TAFA5: variants seen among roughly 807,000 people sequenced by gnomAD.
TAFA5 encodes the protein TAFA chemokine like family member 5.
In TAFA5, 6 loss-of-function variants were observed where a neutral mutation model predicts 15.3. The observed-to-expected ratio is 0.39, with a 90% CI of 0.21 to 0.77. The LOEUF is 0.77. Among genes scored for constraint, TAFA5 ranks in the 30% least tolerant of loss-of-function variants. The probability of loss-of-function intolerance (pLI) is 0.41; values close to 1 mark genes in which losing one functional copy is unlikely to be tolerated. For missense variants in TAFA5, 161 were observed against 193.1 expected (o/e 0.83, Z 0.98); for synonymous variants, 103 against 80.7 (o/e 1.28, Z -1.48).
intron 2 of TAFA5, among the ~76,000 whole-genome samples, chr22:48,656,217 G>A (rs1160239342): frequency 6.6e-6 from 1 of 152,042 alleles, no homozygotes; most frequent in Non-Finnish European, 1.5e-5. Context: ...ACTGGAACTG[G>A]CTTGCACCAG....
chr22:48,668,623 C>T (rs1300647740), intron 2 of TAFA5, among the ~76,000 whole-genome samples: 3 of 88,206 alleles, frequency 3.4e-5, no homozygotes, highest in Admixed American at 2.2e-4. Context: ...AGGGCCGCAT[C>T]TTCACTGGGA....
chr22:48,504,954 A>G (rs967128540), intron 1 of TAFA5, among the ~76,000 whole-genome samples: 17 of 152,266 alleles, frequency 1.1e-4, no homozygotes, highest in Admixed American at 9.8e-4. Flanking sequence ...AGGTATGGCT[A>G]TCCCTGCTCA....
intron 1 of TAFA5, among the ~76,000 whole-genome samples, chr22:48,503,867 G>T (rs191783040): frequency 6.9e-4 from 105 of 152,264 alleles, no homozygotes; most frequent in African/African-American, 2.5e-3. Flanking sequence ...GTTACACTCT[G>T]GGAAGGAGCC....
intron 2 of TAFA5, among the ~76,000 whole-genome samples, chr22:48,681,683 A>AAAG (rs1328098055): frequency 1.3e-5 from 2 of 151,964 alleles, no homozygotes; most frequent in African/African-American, 4.8e-5. Flanking sequence ...AAAAAAGAAA[A>AAAG]AAACAGAGGC....
intron 3 of TAFA5, 83 bp downstream of exon 3, chr22:48,707,927 G>T (rs1601688265): frequency 6.6e-7 from 1 of 1,525,942 alleles, no homozygotes; most frequent in East Asian, 2.3e-5. Flanking sequence ...GGGCTCCGCG[G>T]GGACAGGTGG....
intron 1 of TAFA5, chr22:48,544,405 C>A (rs1922581394): frequency 5.5e-5 from 19 of 345,514 alleles, no homozygotes; most frequent in South Asian, 4.1e-4. Flanking sequence ...CACTCCACGG[C>A]CAGTCTTGGG....
chr22:48,590,842 G>A (rs967185413), intron 1 of TAFA5, among the ~76,000 whole-genome samples: 1 of 151,164 alleles, frequency 6.6e-6, no homozygotes, highest in African/African-American at 2.4e-5. Flanking sequence ...TTTTGTTCAT[G>A]ATTTGTTCTT....
rs904831679 is a variant in TAFA5, at chr22:48,742,841, G to A, written c.391-6998G>A. Among the ~76,000 whole-genome samples the A allele has an allele frequency of 2.6e-5, 4 of 152,170 alleles. No individual in the cohort carries two copies. Among genetic ancestry groups the A allele is most frequent in the Admixed American group, 6.5e-5 (1 of 15,288 alleles). ...AGTCCCCAGCTGGGAGCTCAGGTGC[G>A]ATGAAGCCCAAGGGACTGACGGTGT... On this transcript the variant is annotated intron_variant, in intron 3 of 3. Coordinates refer to ENST00000402357, the MANE Select transcript of TAFA5 (RefSeq NM_001082967.3). The surrounding 1 kb of genome is among the most constrained non-coding windows in gnomAD (Gnocchi z 6.2).
rs1435246615 is a variant in TAFA5, at chr22:48,552,933, C to G, written c.112+63229C>G. On this transcript the variant is annotated intron_variant, in intron 1 of 3. Coordinates refer to ENST00000402357, the MANE Select transcript of TAFA5 (RefSeq NM_001082967.3). This position sits in a 1 kb window ranked among gnomAD's most constrained non-coding sequence, Gnocchi z 4.1. ...CATTCCCTGCAGAATACCCCAGAGA[C>G]TCAGACCTGGGGCTGATCTGAGGGG... Among the ~76,000 whole-genome samples the G allele has an allele frequency of 6.6e-6, 1 of 152,118 alleles. No homozygotes were observed. Among genetic ancestry groups the G allele is most frequent in the Non-Finnish European group, 1.5e-5 (1 of 68,022 alleles).
intron 1 of TAFA5, among the ~76,000 whole-genome samples, chr22:48,621,537 C>T (rs1925838260): frequency 6.6e-6 from 1 of 152,086 alleles, no homozygotes; most frequent in South Asian, 2.1e-4. Flanking sequence ...GTGAGGTCTT[C>T]TCAGAGGGCA....
rs990884473 is a variant in TAFA5 at position 48,550,809 on chromosome 22, A to G, written c.112+61105A>G. On this transcript the variant is annotated intron_variant, in intron 1 of 3. Transcript: ENST00000402357. This position sits in a 1 kb window ranked among gnomAD's most constrained non-coding sequence, Gnocchi z 4.1. ...TTTCTCTGACCTTCTTGTTCTCGGGAAAGAGCGGTGCCTCCAGGATTCAGG... is the reference window on the plus strand; with the variant it reads ...TTTCTCTGACCTTCTTGTTCTCGGGGAAGAGCGGTGCCTCCAGGATTCAGG... Among the ~76,000 whole-genome samples the G allele has an allele frequency of 1.3e-5, 2 of 151,998 alleles. No homozygotes were observed. Among genetic ancestry groups the G allele is most frequent in the African/African-American group, 4.8e-5 (2 of 41,368 alleles).
intron 3 of TAFA5, among the ~76,000 whole-genome samples, chr22:48,721,480 G>T (rs977725527): frequency 6.6e-6 from 1 of 152,206 alleles, no homozygotes; most frequent in Non-Finnish European, 1.5e-5. Flanking sequence ...GAACTGATTG[G>T]CAGAAGGTGC....
chr22:48,691,154 G>T (rs148417879), intron 2 of TAFA5, among the ~76,000 whole-genome samples: 2 of 152,136 alleles, frequency 1.3e-5, no homozygotes, highest in Non-Finnish European at 2.9e-5. Context: ...GCGGCCCGGG[G>T]ACCATTGGTG....
intron 1 of TAFA5, among the ~76,000 whole-genome samples, chr22:48,510,195 G>A (rs1312217885): frequency 2.0e-5 from 3 of 152,132 alleles, no homozygotes; most frequent in African/African-American, 7.2e-5. Context: ...AGACAATTGG[G>A]ATTACACCAA....
chr22:48,670,686 C>T (rs1449627829), intron 2 of TAFA5, among the ~76,000 whole-genome samples: 6 of 152,328 alleles, frequency 3.9e-5, no homozygotes, highest in Non-Finnish European at 7.3e-5. Flanking sequence ...GTTAATGACC[C>T]GGCAATTTTG....
chr22:48,498,715 C>A (rs578180101), intron 1 of TAFA5, among the ~76,000 whole-genome samples: 2 of 152,222 alleles, frequency 1.3e-5, no homozygotes, highest in South Asian at 4.1e-4. Flanking sequence ...CCCCGGCCAC[C>A]CCCCACTTGA....
intron 1 of TAFA5, among the ~76,000 whole-genome samples, chr22:48,628,101 G>A (rs1926088323): frequency 6.6e-6 from 1 of 152,238 alleles, no homozygotes; most frequent in South Asian, 2.1e-4. Flanking sequence ...TGCCGGCTCT[G>A]TGAGGTCTGG....
chr22:48,732,119 T>G (rs1452851930), intron 3 of TAFA5, among the ~76,000 whole-genome samples: 1 of 152,114 alleles, frequency 6.6e-6, no homozygotes, highest in East Asian at 1.9e-4. Context: ...ACTGCAGATG[T>G]GATGGAAGTA....
chr22:48,657,743 G>T (rs9617413), intron 2 of TAFA5, among the ~76,000 whole-genome samples: 27,157 of 152,038 alleles, frequency 0.18, 2,844 homozygotes, highest in Non-Finnish European at 0.23. Context: ...ATGTAAAGGC[G>T]CTCTGTGAAT....
Sources: allele counts gnomAD v4.1 joint callset (sites outside exome capture counted in the v4.1 genomes callset), GRCh38; gene constraint gnomAD v4.1.1; non-coding constraint Gnocchi (gnomAD v3.1); transcripts MANE v1.5; gene names NCBI Gene and HGNC (gene_info 2026-07-23, HGNC 2026-07-21).